The following IMMP2L variants were observed in gnomAD, a reference collection of about 807,000 sequenced individuals.
IMMP2L encodes inner mitochondrial membrane peptidase subunit 2.
IMMP2L carries 18 observed loss-of-function variants against 19.3 expected under a neutral mutation model. That is an observed-to-expected ratio of 0.93 (90% CI 0.64 to 1.38). IMMP2L has a LOEUF of 1.38. Among genes scored for constraint, IMMP2L ranks in the 40% most tolerant of loss-of-function variants. The pLI is 0.00. For synonymous variants in IMMP2L, 76 were observed against 73.0 expected, an observed-to-expected ratio of 1.04 and a Z score of -0.21; for missense variants, 233 against 218.2, an observed-to-expected ratio of 1.07 and a Z score of -0.43.
chr7:111,307,575 A>G (rs1472433844), intron 3 of IMMP2L, among the ~76,000 whole-genome samples: 1 of 151,692 alleles, frequency 6.6e-6, no homozygotes, highest in East Asian at 1.9e-4. Context: ...TTGCATAAAA[A>G]CAATATACCA....
chr7:110,823,897 CT>C (rs1354048444), intron 5 of IMMP2L, among the ~76,000 whole-genome samples: 1 of 152,058 alleles, frequency 6.6e-6, no homozygotes, highest in Non-Finnish European at 1.5e-5. Context: ...GGAATTTAAA[CT>C]GAGAGATCAG....
intron 3 of IMMP2L, among the ~76,000 whole-genome samples, chr7:111,416,541 T>C (rs1021695089): frequency 6.6e-6 from 1 of 151,904 alleles, no homozygotes; most frequent in African/African-American, 2.4e-5. Context: ...TGGAGATGCC[T>C]TATTAAATTT....
intron 3 of IMMP2L, chr7:111,411,358 C>T (rs1834408324): frequency 4.5e-6 from 2 of 446,540 alleles, no homozygotes; most frequent in Non-Finnish European, 8.9e-6. Flanking sequence ...CCACAACACC[C>T]CTGAAATTCT....
chr7:111,105,733 A>G (rs1798473559), intron 3 of IMMP2L, among the ~76,000 whole-genome samples: 1 of 151,890 alleles, frequency 6.6e-6, no homozygotes, highest in Admixed American at 6.6e-5. Context: ...TATTATGTGT[A>G]CTAACAATTT....
At chr7:111,535,865 A>T (rs923459299) in intron 1 of IMMP2L, among the ~76,000 whole-genome samples, 2 of 151,942 alleles carry the variant, frequency 1.3e-5, no homozygotes, top group African/African-American at 4.8e-5. Flanking sequence ...AGCAATGAGT[A>T]TATGTAGTAC....
chr7:111,260,273 G>A (rs1817177944), intron 3 of IMMP2L, among the ~76,000 whole-genome samples: 2 of 152,234 alleles, frequency 1.3e-5, no homozygotes, highest in South Asian at 4.1e-4. Context: ...GTAGTGCATT[G>A]TGCTACAATG....
At chr7:110,943,741 G>T (rs916970672) in intron 4 of IMMP2L, among the ~76,000 whole-genome samples, 1 of 151,966 alleles carries the variant, frequency 6.6e-6, no homozygotes, top group Non-Finnish European at 1.5e-5. Flanking sequence ...CACAGAAGAA[G>T]TTAGTCTAAG....
At chr7:110,943,733 CAGA>C (rs1816958701) in intron 4 of IMMP2L, among the ~76,000 whole-genome samples, 1 of 151,946 alleles carries the variant, frequency 6.6e-6, no homozygotes, top group South Asian at 2.1e-4. Context: ...GGTGTTACCA[CAGA>C]AGAAGTTAGT....
chr7:111,134,702 GA>G (rs1384835079), intron 3 of IMMP2L, among the ~76,000 whole-genome samples: 2 of 151,850 alleles, frequency 1.3e-5, no homozygotes, highest in African/African-American at 2.4e-5. Context: ...TGTTTTGTTT[GA>G]AAAAAACTTT....
intron 3 of IMMP2L, among the ~76,000 whole-genome samples, chr7:111,228,673 A>G (rs1272143474): frequency 6.6e-6 from 1 of 152,006 alleles, no homozygotes; most frequent in Non-Finnish European, 1.5e-5. Context: ...AATTTCCTCT[A>G]TTGGGCAATG....
intron 3 of IMMP2L, among the ~76,000 whole-genome samples, chr7:111,205,725 G>T (rs1810630076): frequency 6.6e-6 from 1 of 152,024 alleles, no homozygotes; most frequent in African/African-American, 2.4e-5. Flanking sequence ...ATGCCATCTT[G>T]CTCCCATTCT....
rs532852593 is a variant in IMMP2L, at chr7:110,997,911, C to A, written c.240-34346G>T. Among the ~76,000 whole-genome samples, 8 of 152,088 alleles carry A rather than the reference C, an allele frequency of 5.3e-5. No individual in the cohort carries two copies. In the East Asian group the frequency reaches 7.8e-4, roughly 15 times the overall value. ...AGAACTTGCCAAGTTCTTCTAATAC[C>A]GGATGGTGTGAATAAAACTAGTTTC... On this transcript the variant is annotated intron_variant, in intron 3 of 5. Coordinates refer to ENST00000405709, the MANE Select transcript of IMMP2L (RefSeq NM_032549.4).
At chr7:110,745,228 G>T (rs954657791) in intron 5 of IMMP2L, among the ~76,000 whole-genome samples, 1 of 152,134 alleles carries the variant, frequency 6.6e-6, no homozygotes, top group African/African-American at 2.4e-5. Context: ...AATGAACAAA[G>T]CCTCCAAGAA....
At chr7:110,904,313 T>C (rs996441165) in intron 4 of IMMP2L, among the ~76,000 whole-genome samples, 1 of 152,300 alleles carries the variant, frequency 6.6e-6, no homozygotes, top group Middle Eastern at 3.4e-3. Flanking sequence ...GTCATATCCA[T>C]GAAATCACTG....
chr7:110,982,437 A>G (rs1821399498), intron 3 of IMMP2L, among the ~76,000 whole-genome samples: 1 of 152,126 alleles, frequency 6.6e-6, no homozygotes, highest in Non-Finnish European at 1.5e-5. Flanking sequence ...TATTAAGGGG[A>G]AAAAGACATA....
At chr7:111,405,739 G>A (rs1833853708) in intron 3 of IMMP2L, among the ~76,000 whole-genome samples, 1 of 151,970 alleles carries the variant, frequency 6.6e-6, no homozygotes, top group African/African-American at 2.4e-5. Flanking sequence ...CCCTAGGAGG[G>A]GTATAGGACT....
intron 5 of IMMP2L, among the ~76,000 whole-genome samples, chr7:110,719,104 G>C (rs972810138): frequency 3.9e-5 from 6 of 152,234 alleles, no homozygotes; most frequent in Non-Finnish European, 5.9e-5. Flanking sequence ...GGTGATTAAT[G>C]ATGTAGCTCA....
At chr7:111,126,410 A>G (rs528464105) in intron 3 of IMMP2L, among the ~76,000 whole-genome samples, 1 of 152,196 alleles carries the variant, frequency 6.6e-6, no homozygotes, top group Non-Finnish European at 1.5e-5. Flanking sequence ...TATAAAAATG[A>G]CACAATTCAG....
intron 5 of IMMP2L, among the ~76,000 whole-genome samples, chr7:110,777,974 T>C (rs1368566636): frequency 6.6e-6 from 1 of 151,990 alleles, no homozygotes; most frequent in Admixed American, 6.6e-5. Flanking sequence ...TGAATTCCTT[T>C]TTACTGAAAC....
Sources: gnomAD v4.1 joint callset for allele counts (sites outside exome capture counted in the v4.1 genomes callset) on GRCh38, gnomAD v4.1.1 for gene constraint, MANE v1.5 for transcripts, NCBI Gene and HGNC (gene_info 2026-07-23, HGNC 2026-07-21) for gene names.